FHIT: variants seen among roughly 807,000 people sequenced by gnomAD.
FHIT encodes the protein fragile histidine triad diadenosine triphosphatase.
In FHIT, 19 loss-of-function variants were observed where a neutral mutation model predicts 17.9. That is an observed-to-expected ratio of 1.06 (90% CI 0.74 to 1.56). The LOEUF (loss-of-function observed/expected upper bound fraction) is 1.56, where lower values mean the gene tolerates loss of function less well. Among genes scored for constraint, FHIT ranks in the 40% most tolerant of loss-of-function variants. The pLI is 0.00. For missense variants in FHIT, 248 were observed against 189.2 expected (o/e 1.31, Z -1.82); for synonymous variants, 81 against 69.7 (o/e 1.16, Z -0.81).
At position 60,129,047 on chromosome 3, in the gene FHIT, TTGTTTG is replaced by T. The variant is rs1357591556; in HGVS notation, c.104-114901_104-114896del. On this transcript the variant is annotated intron_variant, in intron 5 of 9. Transcript: ENST00000492590. ...ATTTTCCCTTTTCTTCTTTCCTTTT[TTGTTTG>T]TTTTTTTTTTTTTTTTTGAAACAGA... 8.6e-4 allele frequency among the ~76,000 whole-genome samples: 94 copies of T among 109,230 alleles called. 3 individuals carry two copies. The highest frequency in any genetic ancestry group is 3.9e-3 in the African/African-American group (90 of 23,172). The allele number at this position is 109,230 out of a possible 152,430, so 71.7% of individuals were successfully genotyped here.
At chr3:60,156,358 A>C (rs1700693039) in intron 5 of FHIT, among the ~76,000 whole-genome samples, 1 of 152,012 alleles carries the variant, frequency 6.6e-6, no homozygotes, top group Non-Finnish European at 1.5e-5. Context: ...TCAAAAAAAA[A>C]AAAAAATTAG....
intron 4 of FHIT, among the ~76,000 whole-genome samples, chr3:60,570,046 G>A (rs1027650850): frequency 6.6e-6 from 1 of 151,888 alleles, no homozygotes; most frequent in Non-Finnish European, 1.5e-5. Context: ...AAATTCCAAA[G>A]CCCAGACTAT....
chr3:61,016,211 G>T (rs1449889211), intron 3 of FHIT, among the ~76,000 whole-genome samples: 1 of 152,210 alleles, frequency 6.6e-6, no homozygotes, highest in Non-Finnish European at 1.5e-5. Context: ...GAGCAGATGG[G>T]CAGAATAAAA....
chr3:61,059,007 G>C (rs576598555), intron 2 of FHIT, among the ~76,000 whole-genome samples: 1 of 152,260 alleles, frequency 6.6e-6, no homozygotes, highest in South Asian at 2.1e-4. Context: ...GTCCAGTAAA[G>C]AGGAACTCTG....
chr3:59,929,014 A>T (rs1295136771), intron 7 of FHIT, among the ~76,000 whole-genome samples: 22 of 150,918 alleles, frequency 1.5e-4, no homozygotes, highest in Admixed American at 1.2e-3. Context: ...AAAAAAAAAA[A>T]AAAAAAGGAC....
intron 2 of FHIT, among the ~76,000 whole-genome samples, chr3:61,101,057 A>G (rs2035805562): frequency 6.6e-6 from 1 of 152,194 alleles, no homozygotes; most frequent in Non-Finnish European, 1.5e-5. Context: ...GAAGCACTTT[A>G]GTTTAATTAG....
chr3:61,247,694 C>A (rs1215526859), intron 1 of FHIT, among the ~76,000 whole-genome samples: 1 of 152,224 alleles, frequency 6.6e-6, no homozygotes, highest in African/African-American at 2.4e-5. Flanking sequence ...CAAACAAATC[C>A]TTTTATAATA....
Position 60,231,671 on chromosome 3 carries a change from G to A in FHIT, c.104-217519C>T, listed in dbSNP as rs151033517. Among the ~76,000 whole-genome samples the A allele has an allele frequency of 6.2e-4, 95 of 152,210 alleles. No homozygotes were observed. The East Asian group carries it at 0.014, about 22-fold the overall frequency. On this transcript the variant is annotated intron_variant, in intron 5 of 9. Coordinates refer to ENST00000492590, the MANE Select transcript of FHIT (RefSeq NM_002012.4). ...ACATATTATGTGTCAAGTGCTTTACGTGCCTTGACTCCTTTAATTCCCCCA... is the reference window on the plus strand; with the variant it reads ...ACATATTATGTGTCAAGTGCTTTACATGCCTTGACTCCTTTAATTCCCCCA...
intron 3 of FHIT, among the ~76,000 whole-genome samples, chr3:60,974,170 CAGTAGAAA>C (rs1710140838): frequency 6.6e-6 from 1 of 152,126 alleles, no homozygotes; most frequent in African/African-American, 2.4e-5. Flanking sequence ...TTGAAATAGC[CAGTAGAAA>C]ACCTCTGCAG....
chr3:60,588,899 A>G (rs1209776523), intron 4 of FHIT, among the ~76,000 whole-genome samples: 1 of 152,052 alleles, frequency 6.6e-6, no homozygotes, highest in Non-Finnish European at 1.5e-5. Flanking sequence ...AAGTTTCCCA[A>G]GTTTAAGAAT....
At chr3:61,243,818 T>C (rs1312359025) in intron 1 of FHIT, among the ~76,000 whole-genome samples, 1 of 151,928 alleles carries the variant, frequency 6.6e-6, no homozygotes, top group Non-Finnish European at 1.5e-5. Flanking sequence ...CAGCAAGAGA[T>C]ACAAGGAGGG....
chr3:60,054,993 G>A (rs531008171), intron 5 of FHIT, among the ~76,000 whole-genome samples: 199 of 152,208 alleles, frequency 1.3e-3, no homozygotes, highest in Middle Eastern at 6.8e-3. Context: ...TGTGGGTTGC[G>A]TGTTTGTCTA....
At chr3:60,927,351 C>G (rs1707682460) in intron 3 of FHIT, among the ~76,000 whole-genome samples, 1 of 152,224 alleles carries the variant, frequency 6.6e-6, no homozygotes, top group Non-Finnish European at 1.5e-5. Context: ...CACCTCCCAG[C>G]CGCCTGCCTT....
At chr3:60,628,568 G>A (rs2039355678) in intron 4 of FHIT, among the ~76,000 whole-genome samples, 2 of 152,146 alleles carry the variant, frequency 1.3e-5, no homozygotes, top group East Asian at 3.9e-4. Context: ...AAATTCAAGG[G>A]CCTTTGGGAG....
At chr3:61,205,233 T>G (rs2039182843) in intron 1 of FHIT, among the ~76,000 whole-genome samples, 1 of 152,150 alleles carries the variant, frequency 6.6e-6, no homozygotes, top group Admixed American at 6.6e-5. Context: ...GTTGGACATT[T>G]GGGTCGGTTC....
rs11297153 is a variant in FHIT, at chr3:61,112,262, A to AT, written c.-163-70164dup. ...TTAGCACTCTATCACCACTGCCTTAATTTTTTTTTTTTTTTCTAAAATGAA... is the reference window on the plus strand; with the variant it reads ...TTAGCACTCTATCACCACTGCCTTAATTTTTTTTTTTTTTTTCTAAAATGAA... On this transcript the variant is annotated intron_variant, in intron 2 of 9. Transcript: ENST00000492590. Among the ~76,000 whole-genome samples, 1,040 of 145,432 alleles carry AT rather than the reference A, an allele frequency of 7.2e-3. 10 individuals carry two copies. The highest frequency in any genetic ancestry group is 0.024 in the East Asian group (121 of 4,960).
At chr3:60,621,356 G>A (rs567337973) in intron 4 of FHIT, among the ~76,000 whole-genome samples, 1 of 151,832 alleles carries the variant, frequency 6.6e-6, no homozygotes. Flanking sequence ...ACATTACAAT[G>A]GCCAGGCTGG....
At chr3:60,653,100 A>G (rs2040034344) in intron 4 of FHIT, among the ~76,000 whole-genome samples, 1 of 152,158 alleles carries the variant, frequency 6.6e-6, no homozygotes, top group South Asian at 2.1e-4. Context: ...TTTCACACAC[A>G]CCACAGATCA....
At chr3:60,113,244 C>G (rs1704759881) in intron 5 of FHIT, among the ~76,000 whole-genome samples, 2 of 152,182 alleles carry the variant, frequency 1.3e-5, no homozygotes, top group South Asian at 2.1e-4. Context: ...TTTTTCACGT[C>G]TGTATCCCCA....
Sources: gnomAD v4.1 joint callset for allele counts (sites outside exome capture counted in the v4.1 genomes callset) on GRCh38, gnomAD v4.1.1 for gene constraint, MANE v1.5 for transcripts, NCBI Gene and HGNC (gene_info 2026-07-23, HGNC 2026-07-21) for gene names.